NEGR1: variants seen among roughly 807,000 people sequenced by gnomAD.
NEGR1 encodes IgLON family member 4.
A neutral mutation model predicts 40.9 loss-of-function variants in NEGR1; 10 were observed. That is an observed-to-expected ratio of 0.24 (90% CI 0.15 to 0.42). The LOEUF (loss-of-function observed/expected upper bound fraction) is 0.42. NEGR1 is among the 10% of genes least tolerant of loss of function. NEGR1 has a pLI of 1.00. For missense variants in NEGR1, 352 were observed against 438.9 expected, an observed-to-expected ratio of 0.80 and a Z score of 1.77; for synonymous variants, 185 against 166.8, an observed-to-expected ratio of 1.11 and a Z score of -0.84.
At chr1:71,858,453 G>C (rs1313277005) in intron 2 of NEGR1, among the ~76,000 whole-genome samples, 1 of 152,038 alleles carries the variant, frequency 6.6e-6, no homozygotes, top group Non-Finnish European at 1.5e-5. Context: ...GTTTTAATGG[G>C]AAATAATTAT....
chr1:72,043,632 A>T (rs774629979), intron 1 of NEGR1, among the ~76,000 whole-genome samples: 1 of 151,982 alleles, frequency 6.6e-6, no homozygotes, highest in Non-Finnish European at 1.5e-5. Context: ...AAAAGCTAGC[A>T]TAACTGTGTT....
chr1:72,017,124 ATATGTGTG>A (rs1646718725), intron 1 of NEGR1, among the ~76,000 whole-genome samples: 2 of 131,502 alleles, frequency 1.5e-5, no homozygotes. Flanking sequence ...ATATACACAT[ATATGTGTG>A]TGTGTGTGTG....
chr1:71,613,845 T>C (rs1428734429), intron 4 of NEGR1, among the ~76,000 whole-genome samples: 1 of 152,172 alleles, frequency 6.6e-6, no homozygotes, highest in Non-Finnish European at 1.5e-5. Flanking sequence ...AAATATGGCC[T>C]AAGTGTGCAC....
chr1:71,591,877 A>T (rs559873190), intron 6 of NEGR1, among the ~76,000 whole-genome samples: 264 of 152,250 alleles, frequency 1.7e-3, no homozygotes, highest in African/African-American at 5.8e-3. Flanking sequence ...CCATTTCTGC[A>T]AAACAGAAAT....
intron 1 of NEGR1, among the ~76,000 whole-genome samples, chr1:72,244,657 G>A (rs779430208): frequency 4.6e-5 from 7 of 151,948 alleles, no homozygotes; most frequent in Admixed American, 2.0e-4. Flanking sequence ...ATTGTTCCCC[G>A]GGGGACATAT....
rs117801288 is a variant in NEGR1 at position 72,030,050 on chromosome 1, C to T, written c.177-94739G>A. Among the ~76,000 whole-genome samples the T allele has an allele frequency of 9.0e-4, 136 of 151,762 alleles. 1 individual carries two copies. The highest frequency in any genetic ancestry group is 4.5e-3 in the East Asian group (23 of 5,168). ...AAATATGAAAAAAAAAATCTTACAG[C>T]TTTGCAAACAGGTAGTAAAAAATAT... On this transcript the variant is annotated intron_variant, in intron 1 of 6. Coordinates refer to ENST00000357731, the MANE Select transcript of NEGR1 (RefSeq NM_173808.3).
At chr1:71,485,639 C>A (rs1646882709) in intron 6 of NEGR1, among the ~76,000 whole-genome samples, 1 of 151,674 alleles carries the variant, frequency 6.6e-6, no homozygotes, top group Admixed American at 6.6e-5. Context: ...TTTTTACTGT[C>A]TCCATAGTTT....
At chr1:71,460,254 C>A (rs1398293898) in intron 6 of NEGR1, among the ~76,000 whole-genome samples, 2 of 152,138 alleles carry the variant, frequency 1.3e-5, no homozygotes, top group African/African-American at 4.8e-5. Flanking sequence ...TGACATCGGT[C>A]CAAGTACAAG....
intron 1 of NEGR1, among the ~76,000 whole-genome samples, chr1:72,146,676 T>G (rs920026711): frequency 1.3e-5 from 2 of 152,190 alleles, no homozygotes; most frequent in East Asian, 3.8e-4. Flanking sequence ...AAGATATCTC[T>G]TTACATATAT....
At chr1:72,089,098 A>G (rs1479213490) in intron 1 of NEGR1, among the ~76,000 whole-genome samples, 2 of 152,196 alleles carry the variant, frequency 1.3e-5, no homozygotes, top group African/African-American at 4.8e-5. Context: ...CATTAGGCAG[A>G]GGTGGGGTAC....
chr1:71,621,182 A>G (rs939968603), intron 4 of NEGR1, among the ~76,000 whole-genome samples: 1 of 151,940 alleles, frequency 6.6e-6, no homozygotes, highest in African/African-American at 2.4e-5. Context: ...AATTTAATTA[A>G]AACCTGGATG....
chr1:71,545,285 A>T (rs1035483453), intron 6 of NEGR1, among the ~76,000 whole-genome samples: 1 of 151,646 alleles, frequency 6.6e-6, no homozygotes. Flanking sequence ...GGGGTGCTTT[A>T]TGCTTCTTAG....
At chr1:72,079,464 A>T (rs1033871367) in intron 1 of NEGR1, among the ~76,000 whole-genome samples, 23 of 152,112 alleles carry the variant, frequency 1.5e-4, no homozygotes, top group Non-Finnish European at 4.4e-5. Context: ...TTAAAAATAG[A>T]AAGCAGTATT....
rs80336219 is a variant in NEGR1, at chr1:72,069,142, G to C, written c.177-133831C>G. 7.9e-5 allele frequency among the ~76,000 whole-genome samples: 12 copies of C among 152,120 alleles called. No homozygotes were observed. The East Asian group carries it at 2.3e-3, about 29-fold the overall frequency. On this transcript the variant is annotated intron_variant, in intron 1 of 6. Coordinates refer to ENST00000357731, the MANE Select transcript of NEGR1 (RefSeq NM_173808.3). ...ATGTAAACGATGGCTGGGTGTGGTG[G>C]CTCATGTGTGTAATCCCAGCACTTT...
intron 5 of NEGR1, among the ~76,000 whole-genome samples, chr1:71,593,482 A>C (rs916090302): frequency 1.3e-5 from 2 of 152,188 alleles, no homozygotes; most frequent in African/African-American, 4.8e-5. Context: ...ACTCTTGTAC[A>C]ACCCAGACAG....
intron 3 of NEGR1, among the ~76,000 whole-genome samples, chr1:71,769,267 T>C (rs1189799972): frequency 1.3e-5 from 2 of 152,190 alleles, no homozygotes; most frequent in African/African-American, 2.4e-5. Context: ...GCCTCATGTA[T>C]ACTTGTCGAT....
chr1:72,180,453 AAAAT>A (rs1328148259), intron 1 of NEGR1, among the ~76,000 whole-genome samples: 3 of 152,034 alleles, frequency 2.0e-5, no homozygotes, highest in Non-Finnish European at 4.4e-5. Context: ...CACAAAAGCA[AAAAT>A]AAATAAATAG....
chr1:71,499,817 C>G (rs1326362799), intron 6 of NEGR1, among the ~76,000 whole-genome samples: 1 of 151,854 alleles, frequency 6.6e-6, no homozygotes, highest in African/African-American at 2.4e-5. Flanking sequence ...AAAATAAAAT[C>G]TGTACCACAT....
intron 6 of NEGR1, among the ~76,000 whole-genome samples, chr1:71,413,879 C>T (rs1362689162): frequency 6.6e-6 from 1 of 152,092 alleles, no homozygotes; most frequent in Non-Finnish European, 1.5e-5. Flanking sequence ...TGGCAGTTTT[C>T]CCTTGTATTG....
Sources: allele counts gnomAD v4.1 joint callset (sites outside exome capture counted in the v4.1 genomes callset), GRCh38; gene constraint gnomAD v4.1.1; transcripts MANE v1.5; gene names NCBI Gene and HGNC (gene_info 2026-07-23, HGNC 2026-07-21).